The following COL12A1 variants were observed in gnomAD, a reference collection of about 807,000 sequenced individuals.
COL12A1 encodes the protein collagen alpha-1(XII) chain.
A neutral mutation model predicts 349.7 loss-of-function variants in COL12A1; 114 were observed. That is an observed-to-expected ratio of 0.33 (90% CI 0.28 to 0.38). The LOEUF is 0.38. Among genes scored for constraint, COL12A1 ranks in the 10% least tolerant of loss-of-function variants. The pLI is 1.00. For synonymous variants in COL12A1, 1,369 were observed against 1,329.0 expected, an observed-to-expected ratio of 1.03 and a Z score of -0.66; for missense variants, 3,284 against 3,756.9, an observed-to-expected ratio of 0.87 and a Z score of 3.29.
chr6:75,116,319 A>T lies in COL12A1; in HGVS notation c.7520-262T>A, dbSNP rs9443156. Among the ~76,000 whole-genome samples the T allele has an allele frequency of 0.11, 16,356 of 152,110 alleles. 1,958 individuals carry two copies. The highest frequency in any genetic ancestry group is 0.29 in the African/African-American group (12,192 of 41,452). On this transcript the variant is annotated intron_variant, in intron 47 of 65. Coordinates refer to ENST00000322507, the MANE Select transcript of COL12A1 (RefSeq NM_004370.6). ...TACAGTACTCTTAAAAATAATAAAAAAGAATTACAGGAGGAATTTTTCACA... is the reference window on the plus strand; with the variant it reads ...TACAGTACTCTTAAAAATAATAAAATAGAATTACAGGAGGAATTTTTCACA...
At chr6:75,175,398 A>G in intron 12 of COL12A1, 88 bp from the exon 13 acceptor site, 1 of 1,432,974 alleles carries the variant, frequency 7.0e-7, no homozygotes, top group Non-Finnish European at 9.4e-7. Context: ...ATGCATGTGC[A>G]CTACATCAAA....
chr6:75,143,063 GT>G (rs1766991815), intron 26 of COL12A1, 188 bp downstream of exon 26: 1 of 601,600 alleles, frequency 1.7e-6, no homozygotes, highest in African/African-American at 1.9e-5. Context: ...AAACATTTCT[GT>G]TTTGACAAGA....
intron 8 of COL12A1, among the ~76,000 whole-genome samples, chr6:75,186,511 C>T (rs929445058): frequency 2.6e-5 from 4 of 152,202 alleles, no homozygotes; most frequent in African/African-American, 9.6e-5. Flanking sequence ...TGCTTATATA[C>T]TGTTGCTGGG....
At chr6:75,147,554 A>T in intron 23 of COL12A1, 121 bp downstream of exon 23, 1 of 987,980 alleles carries the variant, frequency 1.0e-6, no homozygotes, top group Non-Finnish European at 1.5e-6. Flanking sequence ...GATGACACTC[A>T]GTAAATATTT....
At chr6:75,186,233 A>G (rs1769611969) in intron 8 of COL12A1, among the ~76,000 whole-genome samples, 1 of 152,256 alleles carries the variant, frequency 6.6e-6, no homozygotes, top group Non-Finnish European at 1.5e-5. Flanking sequence ...CAAAGGTCTA[A>G]TATCCAGCAT....
intron 38 of COL12A1, among the ~76,000 whole-genome samples, chr6:75,127,729 C>T (rs543264159): frequency 7.2e-5 from 11 of 152,244 alleles, no homozygotes; most frequent in East Asian, 5.8e-4. Flanking sequence ...CAAGCAACCA[C>T]ATTAGAGAAT....
intron 8 of COL12A1, among the ~76,000 whole-genome samples, chr6:75,186,320 C>T (rs951635780): frequency 6.6e-6 from 1 of 152,164 alleles, no homozygotes; most frequent in East Asian, 1.9e-4. Flanking sequence ...CATAAACAGA[C>T]ACTTTTCAAA....
In COL12A1 at chr6:75,133,970, C is replaced by A; in HGVS notation, c.5552G>T (p.Arg1851Ile). Residue 1851 changes from arginine to isoleucine, a missense_variant, in exon 33 of 66, where the codon AGA becomes ATA. Arg to Ile is a moderately conservative substitution (Grantham distance 97). Transcript: ENST00000322507. ...TKPLNTVRNL[R>I]VYDPSTSTLN... ...GGTGCTGGTAGAAGGGTCATACACT[C>A]TCAGGTTCCTTACAGTGTTTAGAGG... is the stretch of plus-strand genomic sequence containing the variant. The A allele has an allele frequency of 1.9e-6, 3 of 1,613,954 alleles. No homozygotes were observed. Among genetic ancestry groups the A allele is most frequent in the Non-Finnish European group, 2.5e-6 (3 of 1,179,938 alleles).
chr6:75,155,079 T>C (rs1767684773), intron 16 of COL12A1, among the ~76,000 whole-genome samples: 1 of 152,190 alleles, frequency 6.6e-6, no homozygotes, highest in South Asian at 2.1e-4. Context: ...CTACACACAG[T>C]AGTTCATTCT....
intron 56 of COL12A1, among the ~76,000 whole-genome samples, chr6:75,102,344 A>T (rs909572113): frequency 6.6e-6 from 1 of 152,224 alleles, no homozygotes; most frequent in Non-Finnish European, 1.5e-5. Context: ...AACATAGGGG[A>T]TATCTACTTT....
chr6:75,140,211 C>T (rs768827674), intron 27 of COL12A1, among the ~76,000 whole-genome samples: 1 of 152,202 alleles, frequency 6.6e-6, no homozygotes, highest in Non-Finnish European at 1.5e-5. Context: ...AAGCTGTCGT[C>T]TACTGATGCA....
At chr6:75,101,042 G>A (rs1768281198) in intron 58 of COL12A1, among the ~76,000 whole-genome samples, 1 of 152,120 alleles carries the variant, frequency 6.6e-6, no homozygotes, top group African/African-American at 2.4e-5. Flanking sequence ...AGAGAAGACT[G>A]GGTTTCCTGT....
At chr6:75,180,040 A>G (rs115813048) in intron 11 of COL12A1, among the ~76,000 whole-genome samples, 1,979 of 152,348 alleles carry the variant, frequency 0.013, 40 homozygotes, top group African/African-American at 0.045. Flanking sequence ...ACACACCTGT[A>G]GTCCCAGCTA....
At chr6:75,147,868 C>T (rs1767282742) in intron 22 of COL12A1, 64 bp from the exon 23 acceptor site, 1 of 1,544,856 alleles carries the variant, frequency 6.5e-7, no homozygotes, top group Non-Finnish European at 8.7e-7. Flanking sequence ...TCCTACTATA[C>T]TTACAAAGTA....
At chr6:75,144,554 C>T (rs1373574861) in intron 25 of COL12A1, among the ~76,000 whole-genome samples, 1 of 152,060 alleles carries the variant, frequency 6.6e-6, no homozygotes, top group African/African-American at 2.4e-5. Context: ...TCAATCTCCC[C>T]AAGCATGAAG....
At chr6:75,147,935 T>C (rs1477282779) in intron 22 of COL12A1, 131 bp from the exon 23 acceptor site, 3 of 988,610 alleles carry the variant, frequency 3.0e-6, no homozygotes, top group Admixed American at 5.5e-5. Flanking sequence ...CTTTTGTATT[T>C]GGAAACTATC....
chr6:75,149,476 C>A (rs1767370455), intron 21 of COL12A1, among the ~76,000 whole-genome samples: 2 of 152,090 alleles, frequency 1.3e-5, no homozygotes, highest in African/African-American at 4.8e-5. Flanking sequence ...AATCTGGGAA[C>A]AACCTACCGC....
In COL12A1 at chr6:75,124,108, C is replaced by T. The variant is rs772653174; in HGVS notation, c.6725-14G>A. The T allele has an allele frequency of 1.2e-6, 2 of 1,608,768 alleles. No individual in the cohort carries two copies. Among genetic ancestry groups the T allele is most frequent in the African/African-American group, 2.7e-5 (2 of 74,776 alleles). On this transcript the variant is annotated splice_polypyrimidine_tract_variant and intron_variant, in intron 41 of 65. Coordinates refer to ENST00000322507, the MANE Select transcript of COL12A1 (RefSeq NM_004370.6). Reference sequence around the variant, plus strand: ...GTCCCCTTGTTCCTGATTATGACAACAAAGGAAAATGCCAGTGTCATCACC... The same window carrying T: ...GTCCCCTTGTTCCTGATTATGACAATAAAGGAAAATGCCAGTGTCATCACC...
rs570240535 is a variant in COL12A1 at position 75,160,925 on chromosome 6, C to T, written c.2984-4402G>A. On this transcript the variant is annotated intron_variant, in intron 14 of 65. Coordinates refer to ENST00000322507, the MANE Select transcript of COL12A1 (RefSeq NM_004370.6). ...ACCAAAACACTTCTCATAAGAAACA[C>T]TGATGTATGTGTGAGCTATATACAC... Among the ~76,000 whole-genome samples, 428 of 152,282 alleles carry T rather than the reference C, an allele frequency of 2.8e-3. 4 individuals carry two copies. The highest frequency in any genetic ancestry group is 6.8e-3 in the Middle Eastern group (2 of 292).
Sources: allele counts gnomAD v4.1 joint callset (sites outside exome capture counted in the v4.1 genomes callset), GRCh38; gene constraint gnomAD v4.1.1; transcripts MANE v1.5; gene names NCBI Gene and HGNC (gene_info 2026-07-23, HGNC 2026-07-21).